The following UGT2B15 variants were observed in gnomAD, a reference collection of about 807,000 sequenced individuals.
UGT2B15 encodes UDP-glucuronosyltransferase 2B15.
Under a neutral mutation model 45.9 loss-of-function variants are expected in UGT2B15, and 36 were observed. The ratio of observed to expected loss-of-function variants is 0.78; its 90% CI spans 0.60 to 1.04. UGT2B15 has a LOEUF of 1.04. Ranked by LOEUF, UGT2B15 falls within the 50% of genes least tolerant of loss-of-function variation. The pLI, the probability that UGT2B15 is intolerant of heterozygous loss-of-function variation, is 0.00. For synonymous variants in UGT2B15, 219 were observed against 216.4 expected, an observed-to-expected ratio of 1.01 and a Z score of -0.11; for missense variants, 617 against 622.4, an observed-to-expected ratio of 0.99 and a Z score of 0.09.
intron 1 of UGT2B15, 129 bp downstream of exon 1, chr4:68,669,766 T>A: frequency 7.6e-7 from 1 of 1,322,262 alleles, no homozygotes; most frequent in Non-Finnish European, 1.0e-6. Flanking sequence ...GACTGATAGA[T>A]CATCTTACAT....
chr4:68,647,261 A>G lies in UGT2B15; in HGVS notation c.1436T>C (p.Val479Ala). The G allele has an allele frequency of 6.2e-7, 1 of 1,613,912 alleles. No individual in the cohort carries two copies. The highest frequency in any genetic ancestry group is 8.5e-7 in the Non-Finnish European group (1 of 1,179,922). ...MRHKGAKHLR[V>A]AAHNLTWIQY... Reference sequence around the variant, plus strand: ...GATCCAGGTGAGGTTGTGAGCTGCGACTCGAAGGTGCTTGGCTCCTTTGTG... The same window carrying G: ...GATCCAGGTGAGGTTGTGAGCTGCGGCTCGAAGGTGCTTGGCTCCTTTGTG... The change falls in exon 6 of 6, where the codon GTC (valine) becomes GCC (alanine). Residue 479 changes from valine (V) to alanine (A), a missense_variant. Coordinates refer to ENST00000338206, the MANE Select transcript of UGT2B15 (RefSeq NM_001076.4).
intron 2 of UGT2B15, among the ~76,000 whole-genome samples, chr4:68,666,600 T>A (rs1733126696): frequency 6.6e-6 from 1 of 151,870 alleles, no homozygotes. Flanking sequence ...TTTTACAAAC[T>A]TGCCTTTTTG....
intron 3 of UGT2B15, among the ~76,000 whole-genome samples, chr4:68,660,632 T>C (rs561862416): frequency 2.6e-5 from 4 of 151,950 alleles, no homozygotes; most frequent in Admixed American, 1.3e-4. Flanking sequence ...AATAACAGTA[T>C]ACCTGTTGTT....
chr4:68,662,390 T>A (rs1239107705), intron 3 of UGT2B15, among the ~76,000 whole-genome samples: 1 of 92,350 alleles, frequency 1.1e-5, no homozygotes, highest in East Asian at 4.3e-4. Flanking sequence ...AGCAGACAAG[T>A]TTTTTTTTTT....
At chr4:68,652,830 T>C (rs1172747136) in intron 5 of UGT2B15, among the ~76,000 whole-genome samples, 1 of 151,670 alleles carries the variant, frequency 6.6e-6, no homozygotes, top group Non-Finnish European at 1.5e-5. Flanking sequence ...ATAAGATAAA[T>C]AGAAAAAGAC....
rs1732491152 is a variant in UGT2B15, at chr4:68,646,943, T to C, written c.*161A>G. The C allele has an allele frequency of 9.7e-6, 10 of 1,033,682 alleles. No homozygotes were observed. The South Asian group carries it at 1.7e-4, about 18-fold the overall frequency. 64.0% of individuals were successfully genotyped at this position (1,033,682 alleles called of 1,614,324 possible). On this transcript the variant is annotated 3_prime_UTR_variant, in exon 6 of 6. Transcript: ENST00000338206. ...TTGACATAGAATAATTCAGCTAAAG[T>C]ACGTATTAAATCCCTGGAAAATAAA... is the stretch of plus-strand genomic sequence containing the variant.
intron 5 of UGT2B15, among the ~76,000 whole-genome samples, chr4:68,650,995 G>GTTTTTTTTTT (rs376333738): frequency 3.4e-5 from 4 of 117,582 alleles, no homozygotes; most frequent in Non-Finnish European, 3.4e-5. Flanking sequence ...TGATGGTGTT[G>GTTTTTTTTTT]TTTTTTTTTT....
At chr4:68,664,415 C>A (rs1404178394) in intron 2 of UGT2B15, among the ~76,000 whole-genome samples, 2 of 152,030 alleles carry the variant, frequency 1.3e-5, no homozygotes, top group East Asian at 3.9e-4. Flanking sequence ...AATGACCAAC[C>A]CCTTCTGTCA....
intron 3 of UGT2B15, among the ~76,000 whole-genome samples, chr4:68,660,838 A>G (rs1206172400): frequency 6.6e-6 from 1 of 151,806 alleles, no homozygotes; most frequent in African/African-American, 2.4e-5. Flanking sequence ...TAAGCTAGAC[A>G]ACTTAAACTC....
At chr4:68,659,602 G>T (rs1560607689) in intron 3 of UGT2B15, among the ~76,000 whole-genome samples, 1 of 151,878 alleles carries the variant, frequency 6.6e-6, no homozygotes, top group Non-Finnish European at 1.5e-5. Flanking sequence ...TGCCACAGAG[G>T]TAACAAATTT....
At chr4:68,661,292 C>A (rs1732958752) in intron 3 of UGT2B15, among the ~76,000 whole-genome samples, 1 of 151,996 alleles carries the variant, frequency 6.6e-6, no homozygotes, top group African/African-American at 2.4e-5. Flanking sequence ...AGAGGCTAAT[C>A]AGAAAGTCAA....
chr4:68,670,623 G>T lies in UGT2B15; in HGVS notation c.-5C>A, dbSNP rs778690156. Reference sequence around the variant, plus strand: ...TGACGTCCATTTCAGAGACATCCTGGTCTTATGCAATGCTTCTTTTCCAGT... The same window carrying T: ...TGACGTCCATTTCAGAGACATCCTGTTCTTATGCAATGCTTCTTTTCCAGT... On this transcript the variant is annotated 5_prime_UTR_variant, in exon 1 of 6. Transcript: ENST00000338206. 32 of 1,554,602 alleles carry T rather than the reference G, an allele frequency of 2.1e-5. No homozygotes were observed. The highest frequency in any genetic ancestry group is 2.8e-5 in the Non-Finnish European group (32 of 1,157,614).
In UGT2B15 at chr4:68,654,947, G is replaced by C. The variant is rs143020517; in HGVS notation, c.1093+148C>G. Reference sequence around the variant, plus strand: ...CTATAGTGCATTCTTTTTATACTAAGACTGGAAAATAAATATAAAGTAGTT... The same window carrying C: ...CTATAGTGCATTCTTTTTATACTAACACTGGAAAATAAATATAAAGTAGTT... On this transcript the variant is annotated intron_variant, in intron 4 of 5. Coordinates refer to ENST00000338206, the MANE Select transcript of UGT2B15 (RefSeq NM_001076.4). 585 of 1,001,452 alleles carry C rather than the reference G, an allele frequency of 5.8e-4. 9 individuals are homozygous for C. The African/African-American group carries it at 9.1e-3, about 16-fold the overall frequency. The allele number at this position is 1,001,452 out of a possible 1,614,324, so 62.0% of individuals were successfully genotyped here. A position where few individuals can be genotyped will look rare whatever the true frequency, so the allele number is the denominator to read the frequency against.
chr4:68,668,131 G>T lies in UGT2B15; in HGVS notation c.782C>A (p.Thr261Asn). ...GCGAGGAAATTCAAAATCCCAATAG[G>T]TTCGAATGAGCCACATTTCAGCTTT... is the stretch of plus-strand genomic sequence containing the variant. ...MGKAEMWLIRTYWDFEFPRPF... is the reference protein window; with the variant it reads ...MGKAEMWLIRNYWDFEFPRPF... The change falls in exon 2 of 6, where the codon ACC becomes AAC. Residue 261 changes from threonine to asparagine, a missense_variant. Physicochemically the swap from Thr to Asn is moderately conservative, Grantham distance 65. Transcript: ENST00000338206. The T allele has an allele frequency of 7.4e-6, 12 of 1,613,706 alleles. No homozygotes were observed. The highest frequency in any genetic ancestry group is 1.1e-5 in the South Asian group (1 of 91,052).
In UGT2B15 at chr4:68,649,273, C is replaced by CTTTTTTT. The variant is rs71218976; in HGVS notation, c.1314-1897_1314-1891dup. On this transcript the variant is annotated intron_variant, in intron 5 of 5. Transcript: ENST00000338206. The stretch of plus-strand genomic sequence containing the variant: ...AATTCAGGTAACTATTTCATATAAT[C>CTTTTTTT]TTTTTTTTTTTTTTTTTTTTTTTTT... 3.8e-4 allele frequency among the ~76,000 whole-genome samples: 35 copies of CTTTTTTT among 93,272 alleles called. 2 individuals carry two copies. Among genetic ancestry groups the CTTTTTTT allele is most frequent in the African/African-American group, 1.1e-3 (27 of 24,318 alleles). The allele number at this position is 93,272 out of a possible 152,430, so 61.2% of individuals were successfully genotyped here.
In UGT2B15 at chr4:68,647,181, T is replaced by C. The variant is rs1255633044; in HGVS notation, c.1516A>G (p.Ile506Val). The change falls in exon 6 of 6, where the codon ATA becomes GTA. Residue 506 changes from isoleucine to valine, a missense_variant. By Grantham distance (29) the Ile-to-Val change is conservative (BLOSUM62 3). Around this residue, in one of 3 missense-constraint regions of UGT2B15, gnomAD observed 265 missense variants for 245.1 expected, o/e 1.08. Coordinates refer to ENST00000338206, the MANE Select transcript of UGT2B15 (RefSeq NM_001076.4). The stretch of plus-strand genomic sequence containing the variant: ...AGGCAAAATTTTGTGATGATAAATA[T>C]CACAGTTGCCACGCAGGCCAGCAGG... ...AFLLACVATVIFIITKFCLFC... is the reference protein window; with the variant it reads ...AFLLACVATVVFIITKFCLFC... 2 of 1,613,946 alleles carry C rather than the reference T, an allele frequency of 1.2e-6. No individual in the cohort carries two copies. Among genetic ancestry groups the C allele is most frequent in the Non-Finnish European group, 1.7e-6 (2 of 1,179,918 alleles).
chr4:68,658,807 G>A (rs1182555666), intron 3 of UGT2B15, among the ~76,000 whole-genome samples: 2 of 151,960 alleles, frequency 1.3e-5, no homozygotes, highest in Non-Finnish European at 2.9e-5. Context: ...TTTTCCTCAA[G>A]TTCTGTTTGT....
chr4:68,654,182 G>A lies in UGT2B15; in HGVS notation c.1168C>T (p.Pro390Ser). 6.2e-7 allele frequency: 1 copy of A among 1,613,582 alleles called. No individual in the cohort carries two copies. Reference protein sequence around the residue: ...GIYEAIYHGIPMVGIPLFADQ... With the variant: ...GIYEAIYHGISMVGIPLFADQ... ...GCAAACAAGGGAATGCCCACCATAG[G>A]GATCCCATGGTAGATCGCCTCATAG... Residue 390 changes from proline (P) to serine (S), a missense_variant, in exon 5 of 6, where the codon CCT (proline) becomes TCT (serine). By Grantham distance (74) the Pro-to-Ser change is moderately conservative (BLOSUM62 -1). This residue lies in a region of UGT2B15 where 265 missense variants were observed against 245.1 expected (regional missense o/e 1.08). Transcript: ENST00000338206.
In UGT2B15 at chr4:68,647,539, C is replaced by T. The variant is rs186800196; in HGVS notation, c.1314-156G>A. The stretch of plus-strand genomic sequence containing the variant: ...TTCAATGTTTTAATTCATGTCATTA[C>T]AGAAAGTTTGGTTTTTAAATTGGAG... On this transcript the variant is annotated intron_variant, in intron 5 of 5. Coordinates refer to ENST00000338206, the MANE Select transcript of UGT2B15 (RefSeq NM_001076.4). 2.9e-3 allele frequency among the ~76,000 whole-genome samples: 436 copies of T among 152,102 alleles called. 2 individuals carry two copies. The highest frequency in any genetic ancestry group is 9.6e-3 in the African/African-American group (400 of 41,486).
Sources: gnomAD v4.1 joint callset for allele counts (sites outside exome capture counted in the v4.1 genomes callset) on GRCh38, gnomAD v4.1.1 for gene constraint, gnomAD v4.1.1 regional missense constraint, MANE v1.5 for transcripts, NCBI Gene and HGNC (gene_info 2026-07-23, HGNC 2026-07-21) for gene names.